The following NETO2 variants were observed in gnomAD, a reference collection of about 807,000 sequenced individuals.
NETO2 encodes the protein neuropilin and tolloid-like protein 2.
A neutral mutation model predicts 62.5 loss-of-function variants in NETO2; 28 were observed. The ratio of observed to expected loss-of-function variants is 0.45; its 90% CI spans 0.33 to 0.61. NETO2 has a LOEUF of 0.61. NETO2 is among the 20% of genes least tolerant of loss of function. The pLI is 0.02. For synonymous variants in NETO2, 214 were observed against 219.1 expected, an observed-to-expected ratio of 0.98 and a Z score of 0.21; for missense variants, 548 against 643.2, an observed-to-expected ratio of 0.85 and a Z score of 1.60.
At chr16:47,141,091 G>A (rs1345917589) in intron 1 of NETO2, among the ~76,000 whole-genome samples, 1 of 152,146 alleles carries the variant, frequency 6.6e-6, no homozygotes, top group Admixed American at 6.5e-5. Flanking sequence ...AGCCTAGTAA[G>A]GTTATTCTTT....
At chr16:47,104,066 G>C (rs191262437) in intron 7 of NETO2, among the ~76,000 whole-genome samples, 1 of 152,222 alleles carries the variant, frequency 6.6e-6, no homozygotes, top group Admixed American at 6.5e-5. Context: ...AATTGGAAAG[G>C]AAGATAAAAG....
At chr16:47,119,826 G>A (rs1368771259) in intron 6 of NETO2, among the ~76,000 whole-genome samples, 1 of 152,100 alleles carries the variant, frequency 6.6e-6, no homozygotes, top group Admixed American at 6.5e-5. Context: ...ATCTTTGGTT[G>A]CTGATTTCTG....
At chr16:47,096,803 G>A (rs988670379) in intron 7 of NETO2, among the ~76,000 whole-genome samples, 3 of 152,204 alleles carry the variant, frequency 2.0e-5, no homozygotes, top group African/African-American at 4.8e-5. Flanking sequence ...CAAGGCAGAA[G>A]GCAGGTGATT....
chr16:47,127,997 CAA>C, intron 4 of NETO2, among the ~76,000 whole-genome samples: 1 of 152,138 alleles, frequency 6.6e-6, no homozygotes, highest in Non-Finnish European at 1.5e-5. Context: ...ATTCTGAAAA[CAA>C]GACAATTTGT....
At chr16:47,115,718 T>TATATATATACATATATATATACAC (rs1473854913) in intron 6 of NETO2, among the ~76,000 whole-genome samples, 2 of 133,446 alleles carry the variant, frequency 1.5e-5, no homozygotes, top group African/African-American at 6.9e-5. Flanking sequence ...TATATACATA[T>TATATATATACATATATATATACAC]ATATATATAT....
At chr16:47,102,189 T>C (rs1963562962) in intron 7 of NETO2, among the ~76,000 whole-genome samples, 1 of 152,168 alleles carries the variant, frequency 6.6e-6, no homozygotes, top group Non-Finnish European at 1.5e-5. Context: ...GGGGAAAGGA[T>C]TTCCTATTTA....
At position 47,132,302 on chromosome 16, in the gene NETO2, A is replaced by T. The variant is rs551466624; in HGVS notation, c.35-277T>A. Among the ~76,000 whole-genome samples, 8 of 148,276 alleles carry T rather than the reference A, an allele frequency of 5.4e-5. 1 individual carries two copies. The South Asian group carries it at 1.3e-3, about 24-fold the overall frequency. ...TTTTTCAACTTAATAGTTTTGTTTA[A>T]AAAAAAAAAAACACTTGTTTTTTGC... On this transcript the variant is annotated intron_variant, in intron 1 of 8. Coordinates refer to ENST00000562435, the MANE Select transcript of NETO2 (RefSeq NM_018092.5).
chr16:47,128,354 C>A lies in NETO2; in HGVS notation c.452G>T (p.Gly151Val). The change falls in exon 4 of 9, where the codon GGA (glycine) becomes GTA (valine). Residue 151 changes from glycine (G) to valine (V), a missense_variant. By Grantham distance (109) the Gly-to-Val change is moderately radical. Transcript: ENST00000562435. ...AATAAATGAATATTTTGCTCGAAAT[C>A]CCAGTCCTTCAAGCTCTTCATCAGA... is the stretch of plus-strand genomic sequence containing the variant. ...FSSDEELEGL[G>V]FRAKYSFIPD... 7 of 1,613,612 alleles carry A rather than the reference C, an allele frequency of 4.3e-6. No individual in the cohort carries two copies. Among genetic ancestry groups the A allele is most frequent in the Admixed American group, 1.7e-5 (1 of 59,972 alleles).
At chr16:47,104,357 A>G (rs974774632) in intron 7 of NETO2, among the ~76,000 whole-genome samples, 1 of 152,268 alleles carries the variant, frequency 6.6e-6, no homozygotes, top group African/African-American at 2.4e-5. Flanking sequence ...GAAAACTACA[A>G]AACATTGCTG....
At chr16:47,128,008 GTTGAATTA>G (rs1325537081) in intron 4 of NETO2, among the ~76,000 whole-genome samples, 2 of 152,084 alleles carry the variant, frequency 1.3e-5, no homozygotes, top group African/African-American at 2.4e-5. Context: ...AAGACAATTT[GTTGAATTA>G]TTTTTAAAAT....
rs1429493094 is a variant in NETO2, at chr16:47,083,820, A to G, written c.998-19T>C. ...TTCTTTTCTGCAGAAAGAAAATGAG[A>G]AACGTTAAGTTTTCAAAATACATTA... On this transcript the variant is annotated intron_variant, in intron 8 of 8. Transcript: ENST00000562435. The G allele has an allele frequency of 6.5e-7, 1 of 1,537,614 alleles. No homozygotes were observed. Among genetic ancestry groups the G allele is most frequent in the Non-Finnish European group, 8.8e-7 (1 of 1,134,202 alleles).
intron 7 of NETO2, among the ~76,000 whole-genome samples, chr16:47,096,336 A>C (rs955899747): frequency 3.3e-5 from 5 of 152,164 alleles, no homozygotes; most frequent in Non-Finnish European, 7.4e-5. Context: ...TAAAATAGAA[A>C]ACAGAAAAAG....
At position 47,078,129 on chromosome 16, in the gene NETO2, CAT is replaced by C. The variant is rs1286464151; in HGVS notation, c.*5090_*5091del. ...ACTTGAAGATTAATGAATTTGAAAA[CAT>C]AAAATGGTTCTAAGTGTAATAAAAT... On this transcript the variant is annotated 3_prime_UTR_variant, in exon 9 of 9. Transcript: ENST00000562435. 2 of 152,178 alleles carry C rather than the reference CAT, an allele frequency of 1.3e-5. No homozygotes were observed. Among genetic ancestry groups the C allele is most frequent in the Non-Finnish European group, 2.9e-5 (2 of 68,014 alleles). The allele number at this position is 152,178 out of a possible 1,614,324, so 9.4% of individuals were successfully genotyped here.
intron 1 of NETO2, among the ~76,000 whole-genome samples, chr16:47,135,714 T>C (rs529823449): frequency 2.8e-4 from 42 of 152,136 alleles, no homozygotes; most frequent in African/African-American, 9.4e-4. Context: ...ATTCTGTTCC[T>C]AGGCCTTCCA....
intron 6 of NETO2, among the ~76,000 whole-genome samples, chr16:47,113,492 A>G (rs951180967): frequency 3.3e-5 from 5 of 151,638 alleles, no homozygotes; most frequent in Non-Finnish European, 5.9e-5. Flanking sequence ...CATTTTATTT[A>G]GCATGATGCA....
chr16:47,132,007 A>G lies in NETO2; in HGVS notation c.53T>C (p.Leu18Pro). The G allele has an allele frequency of 6.2e-7, 1 of 1,612,546 alleles. No homozygotes were observed. Among genetic ancestry groups the G allele is most frequent in the Non-Finnish European group, 8.5e-7 (1 of 1,178,830 alleles). Residue 18 changes from leucine to proline, a missense_variant, in exon 2 of 9, where the codon CTG becomes CCG. Transcript: ENST00000562435. ...GGCCACGGCAATCCCTTCCACTACC[A>G]GTACTGTTATTAACAACACTAGAGA... is the stretch of plus-strand genomic sequence containing the variant. The part of the protein sequence containing the change: ...SVLKVLLITV[L>P]VVEGIAVAQK...
At chr16:47,115,717 A>ACATG (rs1963902209) in intron 6 of NETO2, among the ~76,000 whole-genome samples, 1 of 126,678 alleles carries the variant, frequency 7.9e-6, no homozygotes, top group Non-Finnish European at 1.6e-5. Context: ...ATATATACAT[A>ACATG]TATATATATA....
At chr16:47,125,556 G>T (rs140936067) in intron 4 of NETO2, among the ~76,000 whole-genome samples, 2,371 of 152,168 alleles carry the variant, frequency 0.016, 56 homozygotes, top group African/African-American at 0.055. Context: ...ATGTTGGCCA[G>T]GCTGATCTCA....
At chr16:47,138,174 G>A (rs191742808) in intron 1 of NETO2, among the ~76,000 whole-genome samples, 1 of 152,314 alleles carries the variant, frequency 6.6e-6, no homozygotes, top group African/African-American at 2.4e-5. Flanking sequence ...GGCTGAGGTG[G>A]GCGGGTCATG....
Sources: gnomAD v4.1 joint callset for allele counts (sites outside exome capture counted in the v4.1 genomes callset) on GRCh38, gnomAD v4.1.1 for gene constraint, MANE v1.5 for transcripts, NCBI Gene and HGNC (gene_info 2026-07-23, HGNC 2026-07-21) for gene names.